The following RABGAP1L variants were observed in gnomAD, a reference collection of about 807,000 sequenced individuals.
RABGAP1L encodes the protein rab GTPase-activating protein 1-like.
Under a neutral mutation model 137.7 loss-of-function variants are expected in RABGAP1L, and 63 were observed. The observed-to-expected ratio is 0.46, with a 90% confidence interval of 0.37 to 0.56. The LOEUF (loss-of-function observed/expected upper bound fraction) is 0.56. Among genes scored for constraint, RABGAP1L ranks in the 20% least tolerant of loss-of-function variants. The pLI, the probability that RABGAP1L is intolerant of heterozygous loss-of-function variation, is 0.00. For synonymous variants in RABGAP1L, 431 were observed against 433.7 expected (o/e 0.99, Z 0.08); for missense variants, 1,095 against 1,244.0 (o/e 0.88, Z 1.80).
At chr1:174,287,865 T>G (rs1676209135) in intron 10 of RABGAP1L, among the ~76,000 whole-genome samples, 1 of 152,216 alleles carries the variant, frequency 6.6e-6, no homozygotes, top group African/African-American at 2.4e-5. Flanking sequence ...TATTGTCATT[T>G]TATTAATTTT....
intron 19 of RABGAP1L, among the ~76,000 whole-genome samples, chr1:174,872,340 A>G (rs975272773): frequency 2.0e-5 from 3 of 152,124 alleles, no homozygotes; most frequent in Non-Finnish European, 2.9e-5. Context: ...TTCCCATTGT[A>G]AAAACTCAGT....
rs3056994 is a variant in RABGAP1L, at chr1:174,192,318, G to GTTT, written c.-33-26789_-33-26787dup. 1.2e-4 allele frequency among the ~76,000 whole-genome samples: 13 copies of GTTT among 112,906 alleles called. 1 individual carries two copies. The highest frequency in any genetic ancestry group is 2.5e-4 in the African/African-American group (7 of 27,760). 74.1% of individuals were successfully genotyped at this position (112,906 alleles called of 152,430 possible). On this transcript the variant is annotated intron_variant, in intron 1 of 25. Transcript: ENST00000681986. Reference sequence around the variant, plus strand: ...AGTCACTTATCCACCTGTCTGAGGTGTTTTTTTTTTTTTTTTTTTTGGAGA... The same window carrying GTTT: ...AGTCACTTATCCACCTGTCTGAGGTGTTTTTTTTTTTTTTTTTTTTTTTGGAGA...
chr1:174,610,819 T>G (rs564888186), intron 13 of RABGAP1L, among the ~76,000 whole-genome samples: 6,739 of 152,280 alleles, frequency 0.044, 506 homozygotes, highest in African/African-American at 0.15. Context: ...TGATGAGCAT[T>G]TTTTCATGTG....
At chr1:174,575,507 T>G (rs1412810807) in intron 13 of RABGAP1L, among the ~76,000 whole-genome samples, 3 of 152,134 alleles carry the variant, frequency 2.0e-5, no homozygotes, top group Non-Finnish European at 4.4e-5. Context: ...TGTGGAAATT[T>G]TAAGCAAGGT....
At chr1:174,609,308 A>G (rs1671009292) in intron 13 of RABGAP1L, among the ~76,000 whole-genome samples, 1 of 152,186 alleles carries the variant, frequency 6.6e-6, no homozygotes, top group Non-Finnish European at 1.5e-5. Flanking sequence ...AAGTGAAGTT[A>G]CTTTTACAGT....
intron 19 of RABGAP1L, among the ~76,000 whole-genome samples, chr1:174,915,868 A>G (rs12075193): frequency 0.15 from 23,014 of 152,106 alleles, 5,752 homozygotes; most frequent in African/African-American, 0.52. Flanking sequence ...TTTTTTCCCA[A>G]TCTGTGGCTT....
intron 18 of RABGAP1L, among the ~76,000 whole-genome samples, chr1:174,807,898 A>C (rs543912547): frequency 6.6e-6 from 1 of 151,766 alleles, no homozygotes; most frequent in African/African-American, 2.4e-5. Context: ...GGAGTTTGAG[A>C]CCAGCCTGTG....
Position 174,994,260 on chromosome 1 carries a change from AG to A in RABGAP1L, c.*4260del, listed in dbSNP as rs1672239078. The A allele has an allele frequency of 6.9e-6, 1 of 144,982 alleles. No homozygotes were observed. The highest frequency in any genetic ancestry group is 2.9e-5 in the African/African-American group (1 of 34,366). 9.0% of individuals were successfully genotyped at this position (144,982 alleles called of 1,614,324 possible). A position where few individuals can be genotyped will look rare whatever the true frequency, so the allele number is the denominator to read the frequency against. On this transcript the variant is annotated 3_prime_UTR_variant, in exon 26 of 26. Transcript: ENST00000681986. ...ACCTCAATAGGAGATGCTGATCTTG[AG>A]TTGTAATGAGAAAAGTGGGCATATA...
chr1:174,712,843 G>A (rs1264975244), intron 17 of RABGAP1L, among the ~76,000 whole-genome samples: 1 of 152,154 alleles, frequency 6.6e-6, no homozygotes, highest in Non-Finnish European at 1.5e-5. Flanking sequence ...GTGGCCTGCT[G>A]GTGTCTGCCA....
At chr1:174,350,136 G>C (rs1387439291) in intron 11 of RABGAP1L, among the ~76,000 whole-genome samples, 1 of 135,096 alleles carries the variant, frequency 7.4e-6, no homozygotes, top group Non-Finnish European at 1.6e-5. Flanking sequence ...CGGGTGGGGG[G>C]GCTGACCCCC....
intron 13 of RABGAP1L, among the ~76,000 whole-genome samples, chr1:174,562,813 A>G (rs1343430819): frequency 6.6e-6 from 1 of 152,166 alleles, no homozygotes; most frequent in African/African-American, 2.4e-5. Context: ...GTGAGAACAC[A>G]GGGACACAGG....
intron 13 of RABGAP1L, among the ~76,000 whole-genome samples, chr1:174,404,404 C>G (rs1366001760): frequency 6.6e-6 from 1 of 152,102 alleles, no homozygotes; most frequent in Non-Finnish European, 1.5e-5. Context: ...CAGTATGTTC[C>G]TTCCTTCCCC....
intron 13 of RABGAP1L, among the ~76,000 whole-genome samples, chr1:174,570,556 C>A (rs1667897167): frequency 6.6e-6 from 1 of 152,042 alleles, no homozygotes; most frequent in Admixed American, 6.5e-5. Context: ...TGAAAATGAA[C>A]TGTTAGGTAC....
chr1:174,283,857 C>T (rs1675805386), intron 10 of RABGAP1L, among the ~76,000 whole-genome samples: 1 of 152,178 alleles, frequency 6.6e-6, no homozygotes. Context: ...TGGCCTGTCT[C>T]ATGGAGTATC....
intron 19 of RABGAP1L, among the ~76,000 whole-genome samples, chr1:174,879,332 T>C (rs1335918772): frequency 6.6e-6 from 1 of 152,128 alleles, no homozygotes; most frequent in Admixed American, 6.6e-5. Flanking sequence ...GCTCTTGATC[T>C]TGTGATCTAC....
At chr1:174,533,186 A>T (rs192159811) in intron 13 of RABGAP1L, among the ~76,000 whole-genome samples, 1 of 152,354 alleles carries the variant, frequency 6.6e-6, no homozygotes, top group Non-Finnish European at 1.5e-5. Context: ...GTGAGCCAAG[A>T]TCGCGCCACT....
intron 23 of RABGAP1L, among the ~76,000 whole-genome samples, chr1:174,981,914 A>G (rs1574071836): frequency 2.0e-5 from 3 of 152,108 alleles, no homozygotes; most frequent in Admixed American, 1.3e-4. Context: ...CTTGATTGCT[A>G]TAGCACAGCA....
At chr1:174,513,455 A>G (rs1049921467) in intron 13 of RABGAP1L, among the ~76,000 whole-genome samples, 3 of 152,034 alleles carry the variant, frequency 2.0e-5, no homozygotes, top group Non-Finnish European at 2.9e-5. Flanking sequence ...AAAAATTAAA[A>G]TAAAAAAAAA....
In RABGAP1L at chr1:174,612,073, C is replaced by T. The variant is rs548480495; in HGVS notation, c.1711-25302C>T. Reference sequence around the variant, plus strand: ...TCCTTCTCCTGCCTAATTGCCCTGGCCAGAACTTCTAACACTATGTTGAAT... The same window carrying T: ...TCCTTCTCCTGCCTAATTGCCCTGGTCAGAACTTCTAACACTATGTTGAAT... On this transcript the variant is annotated intron_variant, in intron 13 of 25. Coordinates refer to ENST00000681986, the MANE Select transcript of RABGAP1L (RefSeq NM_001366446.1). Among the ~76,000 whole-genome samples the T allele has an allele frequency of 5.3e-5, 8 of 152,286 alleles. No individual in the cohort carries two copies. In the South Asian group the frequency reaches 1.7e-3, roughly 32 times the overall value.
Sources: gnomAD v4.1 joint callset for allele counts (sites outside exome capture counted in the v4.1 genomes callset) on GRCh38, gnomAD v4.1.1 for gene constraint, MANE v1.5 for transcripts, NCBI Gene and HGNC (gene_info 2026-07-23, HGNC 2026-07-21) for gene names.